HAND1: variants seen among roughly 807,000 people sequenced by gnomAD.
HAND1 encodes the protein heart- and neural crest derivatives-expressed protein 1.
HAND1 carries 10 observed loss-of-function variants against 14.5 expected under a neutral mutation model. That is an observed-to-expected ratio of 0.69 (90% CI 0.42 to 1.17). HAND1 has a LOEUF of 1.17. Among genes scored for constraint, HAND1 ranks in the 50% most tolerant of loss-of-function variants. The probability of loss-of-function intolerance (pLI) is 0.00; values close to 1 mark genes in which losing one functional copy is unlikely to be tolerated. For missense variants in HAND1, 299 were observed against 298.4 expected (o/e 1.00, Z -0.01); for synonymous variants, 128 against 127.1 (o/e 1.01, Z -0.05).
rs1347266849 is a variant in HAND1 at position 154,477,973 on chromosome 5, G to A, written c.36C>T (p.His12=). Residue 12 remains histidine (H), a synonymous_variant, in exon 1 of 2, where the codon CAC becomes CAT. Transcript: ENST00000231121. ...NLVGSYAHHH[H]HHHPHPAHPM... ...GGTGCGCAGGGTGCGGGTGGTGATG[G>A]TGGTGATGGTGTGCGTAGCTGCCCA... The A allele has an allele frequency of 1.9e-6, 3 of 1,598,132 alleles. No homozygotes were observed. The highest frequency in any genetic ancestry group is 2.5e-6 in the Non-Finnish European group (3 of 1,179,892).
chr5:154,475,553 C>A lies in HAND1; in HGVS notation c.*253G>T. 1 of 515,330 alleles carries A rather than the reference C, an allele frequency of 1.9e-6. No homozygotes were observed. Among genetic ancestry groups the A allele is most frequent in the South Asian group, 2.1e-5 (1 of 47,372 alleles). 31.9% of individuals were successfully genotyped at this position (515,330 alleles called of 1,614,324 possible). A position where few individuals can be genotyped will look rare whatever the true frequency, so the allele number is the denominator to read the frequency against. On this transcript the variant is annotated 3_prime_UTR_variant, in exon 2 of 2. Coordinates refer to ENST00000231121, the MANE Select transcript of HAND1 (RefSeq NM_004821.3). ...TCTTGCATGTTGCCGCCAAGGGCCGCCCTCGGTTGGGCTGGGGGTGGATAT... is the reference window on the plus strand; with the variant it reads ...TCTTGCATGTTGCCGCCAAGGGCCGACCTCGGTTGGGCTGGGGGTGGATAT...
chr5:154,475,112 T>G lies in HAND1; in HGVS notation c.*694A>C. On this transcript the variant is annotated 3_prime_UTR_variant, in exon 2 of 2. Coordinates refer to ENST00000231121, the MANE Select transcript of HAND1 (RefSeq NM_004821.3). ...AACAAACACCTGAGCACAACAGGCA[T>G]GGTAGGTAGTTTAAATACATAAAAA... is the stretch of plus-strand genomic sequence containing the variant. 1 of 152,594 alleles carries G rather than the reference T, an allele frequency of 6.6e-6. No homozygotes were observed. The highest frequency in any genetic ancestry group is 1.5e-5 in the Non-Finnish European group (1 of 68,132). The allele number at this position is 152,594 out of a possible 1,614,324, so 9.5% of individuals were successfully genotyped here. A position where few individuals can be genotyped will look rare whatever the true frequency, so the allele number is the denominator to read the frequency against.
Position 154,477,062 on chromosome 5 carries a change from C to T in HAND1, c.543+404G>A, listed in dbSNP as rs147640810. Among the ~76,000 whole-genome samples, 28 of 152,242 alleles carry T rather than the reference C, an allele frequency of 1.8e-4. 1 individual carries two copies. In the East Asian group the frequency reaches 5.4e-3, roughly 29 times the overall value. On this transcript the variant is annotated intron_variant, in intron 1 of 1. Coordinates refer to ENST00000231121, the MANE Select transcript of HAND1 (RefSeq NM_004821.3). The stretch of plus-strand genomic sequence containing the variant: ...AGTAGACTAGCCGGTCCAGCAAAGG[C>T]CCTTTGAAAACAGGAACCGAGCCCG...
Position 154,478,163 on chromosome 5 carries a change from T to C in HAND1, c.-155A>G, listed in dbSNP as rs956377661. ...GCTGAAAATGAGACGCGCAGCCCAC[T>C]GTCTTCTTACCGGTTTCTGCCGCGG... On this transcript the variant is annotated 5_prime_UTR_variant, in exon 1 of 2. Transcript: ENST00000231121. The surrounding 1 kb of genome is among the most constrained non-coding windows in gnomAD (Gnocchi z 4.5). 58 of 778,902 alleles carry C rather than the reference T, an allele frequency of 7.4e-5. No individual in the cohort carries two copies. Among genetic ancestry groups the C allele is most frequent in the Non-Finnish European group, 1.1e-4 (51 of 482,192 alleles). 48.2% of individuals were successfully genotyped at this position (778,902 alleles called of 1,614,324 possible).
At position 154,478,075 on chromosome 5, in the gene HAND1, C is replaced by T. The variant is rs1008381755; in HGVS notation, c.-67G>A. On this transcript the variant is annotated 5_prime_UTR_variant, in exon 1 of 2. Transcript: ENST00000231121. The surrounding 1 kb of genome is among the most constrained non-coding windows in gnomAD (Gnocchi z 4.5). ...CCGCTCCATGCGCCCCAGAGACTGC[C>T]GGGGGCCACCTGTGGGCTCTGGAGC... 6.4e-6 allele frequency: 10 copies of T among 1,573,896 alleles called. No homozygotes were observed. The African/African-American group carries it at 9.4e-5, about 15-fold the overall frequency.
intron 1 of HAND1, among the ~76,000 whole-genome samples, 171 bp from the exon 2 acceptor site, chr5:154,476,081 G>C (rs1582055882): frequency 6.6e-6 from 1 of 152,194 alleles, no homozygotes; most frequent in African/African-American, 2.4e-5. Context: ...AAACAGGCTC[G>C]TAAATTTGCC....
At chr5:154,476,316 GGC>G (rs1468376777) in intron 1 of HAND1, among the ~76,000 whole-genome samples, 2 of 152,232 alleles carry the variant, frequency 1.3e-5, no homozygotes, top group East Asian at 3.9e-4. Flanking sequence ...TAAACATCAG[GGC>G]TTGGATGCAG....
In HAND1 at chr5:154,475,689, G is replaced by A. The variant is rs1757529642; in HGVS notation, c.*117C>T. 2 of 771,022 alleles carry A rather than the reference G, an allele frequency of 2.6e-6. No individual in the cohort carries two copies. Among genetic ancestry groups the A allele is most frequent in the Admixed American group, 2.0e-5 (1 of 49,254 alleles). 47.8% of individuals were successfully genotyped at this position (771,022 alleles called of 1,614,324 possible). ...CCTGCCGGCGCTCAGCAGAAGCTCCGCGGGATGCGTAGCACCAGTCGCCGG... is the reference window on the plus strand; with the variant it reads ...CCTGCCGGCGCTCAGCAGAAGCTCCACGGGATGCGTAGCACCAGTCGCCGG... On this transcript the variant is annotated 3_prime_UTR_variant, in exon 2 of 2. Coordinates refer to ENST00000231121, the MANE Select transcript of HAND1 (RefSeq NM_004821.3).
In HAND1 at chr5:154,477,729, G is replaced by A. The variant is rs777670897; in HGVS notation, c.280C>T (p.Arg94Trp). The change falls in exon 1 of 2, where the codon CGG (arginine) becomes TGG (tryptophan). Residue 94 changes from arginine to tryptophan, a missense_variant. Coordinates refer to ENST00000231121, the MANE Select transcript of HAND1 (RefSeq NM_004821.3). ...RLEALGGRLGRRKGSGPKKER... is the reference protein window; with the variant it reads ...RLEALGGRLGWRKGSGPKKER... ...TTCTTGGGTCCTGAGCCTTTCCGCC[G>A]GCCAAGACGGCCGCCAAGCGCCTCC... The A allele has an allele frequency of 6.2e-7, 1 of 1,613,014 alleles. No individual in the cohort carries two copies. Among genetic ancestry groups the A allele is most frequent in the South Asian group, 1.1e-5 (1 of 91,070 alleles).
At position 154,478,131 on chromosome 5, in the gene HAND1, G is replaced by C; in HGVS notation, c.-123C>G. 3 of 1,075,440 alleles carry C rather than the reference G, an allele frequency of 2.8e-6. No homozygotes were observed. Among genetic ancestry groups the C allele is most frequent in the Non-Finnish European group, 2.7e-6 (2 of 729,918 alleles). 66.6% of individuals were successfully genotyped at this position (1,075,440 alleles called of 1,614,324 possible). ...CTGGGCGCCGGCTTTGGGAGAGTCC[G>C]GGCAAGGCTGAAAATGAGACGCGCA... On this transcript the variant is annotated 5_prime_UTR_variant, in exon 1 of 2. Coordinates refer to ENST00000231121, the MANE Select transcript of HAND1 (RefSeq NM_004821.3). This position sits in a 1 kb window ranked among gnomAD's most constrained non-coding sequence, Gnocchi z 4.5.
chr5:154,477,847 C>A lies in HAND1; in HGVS notation c.162G>T (p.Pro54=). The change falls in exon 1 of 2, where the codon CCG becomes CCT. Residue 54 remains proline, a synonymous_variant. Transcript: ENST00000231121. Reference sequence around the variant, plus strand: ...GCGGCGGCCCGCCCGCAGGGAAGTCCGGGGCAGCGTCAGCCGGGCTCAGCA... The same window carrying A: ...GCGGCGGCCCGCCCGCAGGGAAGTCAGGGGCAGCGTCAGCCGGGCTCAGCA... ...SWLLSPADAA[P]DFPAGGPPPA... 1 of 1,601,276 alleles carries A rather than the reference C, an allele frequency of 6.2e-7. No individual in the cohort carries two copies. Among genetic ancestry groups the A allele is most frequent in the African/African-American group, 1.3e-5 (1 of 74,920 alleles).
chr5:154,475,312 C>G lies in HAND1; in HGVS notation c.*494G>C, dbSNP rs150779203. The G allele has an allele frequency of 6.4e-6, 1 of 156,148 alleles. No individual in the cohort carries two copies. The highest frequency in any genetic ancestry group is 1.9e-4 in the East Asian group (1 of 5,272). The allele number at this position is 156,148 out of a possible 1,614,324, so 9.7% of individuals were successfully genotyped here. On this transcript the variant is annotated 3_prime_UTR_variant, in exon 2 of 2. Transcript: ENST00000231121. ...CCACGATTCGAAGAACAAAGGGCAG[C>G]CTTTCATCTTCCTGCGTCTGGTTCT...
Position 154,477,892 on chromosome 5 carries a change from C to G in HAND1, c.117G>C (p.Arg39Ser), listed in dbSNP as rs2113303993. 1.2e-6 allele frequency: 2 copies of G among 1,600,496 alleles called. No individual in the cohort carries two copies. Among genetic ancestry groups the G allele is most frequent in the Non-Finnish European group, 1.7e-6 (2 of 1,179,838 alleles). The change falls in exon 1 of 2, where the codon AGG becomes AGC. Residue 39 changes from arginine (R) to serine (S), a missense_variant. Arg to Ser is a moderately radical substitution (Grantham distance 110). Transcript: ENST00000231121. ...TCAGCAGCCAGCTCTGGAAGTAGGG[C>G]CTTTCCTGATGACAGCGCGAGGCCG... ...FGPASRCHQE[R>S]PYFQSWLLSP...
At position 154,475,716 on chromosome 5, in the gene HAND1, G is replaced by T; in HGVS notation, c.*90C>A. On this transcript the variant is annotated 3_prime_UTR_variant, in exon 2 of 2. Coordinates refer to ENST00000231121, the MANE Select transcript of HAND1 (RefSeq NM_004821.3). ...GGGATGCGTAGCACCAGTCGCCGGA[G>T]CCCAGAGCCTGGCGTTCGCCGCTGC... 1.0e-6 allele frequency: 1 copy of T among 960,164 alleles called. No homozygotes were observed. The highest frequency in any genetic ancestry group is 1.7e-6 in the Non-Finnish European group (1 of 596,666). The allele number at this position is 960,164 out of a possible 1,614,324, so 59.5% of individuals were successfully genotyped here. A position where few individuals can be genotyped will look rare whatever the true frequency, so the allele number is the denominator to read the frequency against.
Position 154,475,832 on chromosome 5 carries a change from C to G in HAND1, c.622G>C (p.Val208Leu), listed in dbSNP as rs772091154. The G allele has an allele frequency of 6.2e-7, 1 of 1,613,848 alleles. No homozygotes were observed. The highest frequency in any genetic ancestry group is 8.5e-7 in the Non-Finnish European group (1 of 1,179,892). ...IKGRTGWPQQ[V>L]WALELNQ ...CACTGGTTTAACTCCAGCGCCCAGA[C>G]TTGCTGCGGCCAGCCGGTGCGTCCT... The change falls in exon 2 of 2, where the codon GTC becomes CTC. Residue 208 changes from valine (V) to leucine (L), a missense_variant. Coordinates refer to ENST00000231121, the MANE Select transcript of HAND1 (RefSeq NM_004821.3).
Position 154,478,191 on chromosome 5 carries a change from G to A in HAND1, c.-183C>T, listed in dbSNP as rs1286950461. The A allele has an allele frequency of 1.6e-5, 11 of 675,940 alleles. No homozygotes were observed. The highest frequency in any genetic ancestry group is 5.2e-5 in the Admixed American group (2 of 38,418). The allele number at this position is 675,940 out of a possible 1,614,324, so 41.9% of individuals were successfully genotyped here. Reference sequence around the variant, plus strand: ...CTTCTTACCGGTTTCTGCCGCGGGCGAGGTCGCCGAAGCCCAAAGACCTGT... The same window carrying A: ...CTTCTTACCGGTTTCTGCCGCGGGCAAGGTCGCCGAAGCCCAAAGACCTGT... On this transcript the variant is annotated 5_prime_UTR_variant, in exon 1 of 2. Coordinates refer to ENST00000231121, the MANE Select transcript of HAND1 (RefSeq NM_004821.3). This position sits in a 1 kb window ranked among gnomAD's most constrained non-coding sequence, Gnocchi z 4.5.
At position 154,477,651 on chromosome 5, in the gene HAND1, A is replaced by C; in HGVS notation, c.358T>G (p.Cys120Gly). The C allele has an allele frequency of 6.2e-7, 1 of 1,614,072 alleles. No homozygotes were observed. Among genetic ancestry groups the C allele is most frequent in the Non-Finnish European group, 8.5e-7 (1 of 1,180,004 alleles). ...GTGTCGGCCGGCACGTTGGGGATGC[A>C]CTCGCGCAACTCCGCGAATGCGCTG... ...INSAFAELRE[C>G]IPNVPADTKL... is the part of the protein sequence containing the mutation. Residue 120 changes from cysteine (C) to glycine (G), a missense_variant, in exon 1 of 2, where the codon TGC becomes GGC. Physicochemically the swap from Cys to Gly is radical, Grantham distance 159. Transcript: ENST00000231121.
chr5:154,477,670 T>C lies in HAND1; in HGVS notation c.339A>G (p.Ala113=), dbSNP rs150104384. The C allele has an allele frequency of 9.8e-5, 158 of 1,614,136 alleles. No individual in the cohort carries two copies. Among genetic ancestry groups the C allele is most frequent in the Middle Eastern group, 6.6e-4 (4 of 6,082 alleles). Residue 113 remains alanine (A), a synonymous_variant, in exon 1 of 2, where the codon GCA becomes GCG. Transcript: ENST00000231121. ...GGATGCACTCGCGCAACTCCGCGAA[T>C]GCGCTGTTAATGCTCTCAGTGCGTC... ...ERRRTESINS[A]FAELRECIPN... is the part of the protein sequence containing the mutation.
intron 1 of HAND1, 50 bp from the exon 2 acceptor site, chr5:154,475,960 T>C: frequency 1.4e-6 from 2 of 1,460,484 alleles, no homozygotes; most frequent in Non-Finnish European, 1.9e-6. Context: ...AGGTTTTAAT[T>C]TTTCTGCTCC....
Sources: gnomAD v4.1 joint callset for allele counts (sites outside exome capture counted in the v4.1 genomes callset) on GRCh38, gnomAD v4.1.1 for gene constraint, Gnocchi (gnomAD v3.1) non-coding constraint, MANE v1.5 for transcripts, NCBI Gene and HGNC (gene_info 2026-07-23, HGNC 2026-07-21) for gene names.